Variants in TSPAN18 observed in about 807,000 individuals in gnomAD.
TSPAN18 encodes tetraspanin-18.
TSPAN18 carries 14 observed loss-of-function variants against 27.3 expected under a neutral mutation model. The ratio of observed to expected loss-of-function variants is 0.51; its 90% CI spans 0.34 to 0.80. TSPAN18 has a LOEUF of 0.80. Ranked by LOEUF, TSPAN18 falls within the 30% of genes least tolerant of loss-of-function variation. TSPAN18 has a pLI of 0.01. For missense variants in TSPAN18, 268 were observed against 323.9 expected, an observed-to-expected ratio of 0.83 and a Z score of 1.32; for synonymous variants, 143 against 136.5, an observed-to-expected ratio of 1.05 and a Z score of -0.33.
At chr11:44,912,721 TTGTG>T (rs1368675008) in intron 5 of TSPAN18, among the ~76,000 whole-genome samples, 1 of 152,104 alleles carries the variant, frequency 6.6e-6, no homozygotes, top group Admixed American at 6.5e-5. Context: ...TCGTGTGTGT[TTGTG>T]TGTACATGTG....
At chr11:44,873,867 C>G (rs1192784554) in intron 3 of TSPAN18, among the ~76,000 whole-genome samples, 3 of 152,182 alleles carry the variant, frequency 2.0e-5, no homozygotes, top group Admixed American at 6.5e-5. Flanking sequence ...GCTGGCATTC[C>G]TGGACCTACA....
intron 3 of TSPAN18, among the ~76,000 whole-genome samples, chr11:44,905,127 C>T (rs1210405508): frequency 6.6e-6 from 1 of 152,102 alleles, no homozygotes; most frequent in Non-Finnish European, 1.5e-5. Context: ...TGCTTTGATA[C>T]ACATTTTACT....
chr11:44,891,353 C>T (rs1858844470), intron 3 of TSPAN18, among the ~76,000 whole-genome samples: 1 of 152,110 alleles, frequency 6.6e-6, no homozygotes, highest in African/African-American at 2.4e-5. Context: ...GCTTTTGCAG[C>T]CTGACTGAAT....
chr11:44,836,860 G>T (rs1857274279), intron 2 of TSPAN18, among the ~76,000 whole-genome samples: 1 of 152,166 alleles, frequency 6.6e-6, no homozygotes, highest in Non-Finnish European at 1.5e-5. Context: ...TTACAGCATG[G>T]TTTACTGAAT....
chr11:44,806,252 C>G (rs1308156211), intron 2 of TSPAN18, among the ~76,000 whole-genome samples: 3 of 152,132 alleles, frequency 2.0e-5, no homozygotes, highest in Non-Finnish European at 4.4e-5. Context: ...CCAGGCCGCT[C>G]TCAAACTCCT....
chr11:44,808,704 AT>A (rs1270449256), intron 2 of TSPAN18, among the ~76,000 whole-genome samples: 1 of 152,162 alleles, frequency 6.6e-6, no homozygotes, highest in Non-Finnish European at 1.5e-5. Context: ...AAACGATATA[AT>A]TTAACGTTTC....
At chr11:44,782,081 C>T (rs1855951156) in intron 2 of TSPAN18, among the ~76,000 whole-genome samples, 1 of 152,126 alleles carries the variant, frequency 6.6e-6, no homozygotes, top group African/African-American at 2.4e-5. Context: ...ATTTGTGTAT[C>T]CATTCACCCT....
rs1328608664 is a variant in TSPAN18, at chr11:44,890,644, A to C, written c.-10-15763A>C. Among the ~76,000 whole-genome samples the C allele has an allele frequency of 4.0e-5, 6 of 150,930 alleles. No homozygotes were observed. The East Asian group carries it at 9.8e-4, about 25-fold the overall frequency. On this transcript the variant is annotated intron_variant, in intron 3 of 9. Coordinates refer to ENST00000520358, the MANE Select transcript of TSPAN18 (RefSeq NM_130783.5). ...AGGCTGAGGCAGGAGAATGGCGTGA[A>C]CCCAGGAGGCGGAGCTTGCCAGCCT...
Position 44,761,761 on chromosome 11 carries a change from T to C in TSPAN18, c.-239-2665T>C, listed in dbSNP as rs561140787. Among the ~76,000 whole-genome samples the C allele has an allele frequency of 3.9e-5, 6 of 152,364 alleles. No individual in the cohort carries two copies. The South Asian group carries it at 1.2e-3, about 32-fold the overall frequency. ...GGCTGACAGGCACTCTTGACACTAATACGTGTTCCGTGCAGTCCCTGGAGC... is the reference window on the plus strand; with the variant it reads ...GGCTGACAGGCACTCTTGACACTAACACGTGTTCCGTGCAGTCCCTGGAGC... On this transcript the variant is annotated intron_variant, in intron 1 of 9. Coordinates refer to ENST00000520358, the MANE Select transcript of TSPAN18 (RefSeq NM_130783.5).
intron 2 of TSPAN18, among the ~76,000 whole-genome samples, chr11:44,827,069 C>G (rs1857058638): frequency 6.6e-6 from 1 of 152,232 alleles, no homozygotes; most frequent in African/African-American, 2.4e-5. Context: ...TGTCTGGCCC[C>G]TCTGGGCTGG....
At position 44,858,362 on chromosome 11, in the gene TSPAN18, T is replaced by C. The variant is rs532088997; in HGVS notation, c.-152-1966T>C. Among the ~76,000 whole-genome samples, 8 of 150,610 alleles carry C rather than the reference T, an allele frequency of 5.3e-5. No individual in the cohort carries two copies. In the South Asian group the frequency reaches 1.7e-3, roughly 33 times the overall value. Reference sequence around the variant, plus strand: ...TGCTCACGGGTGTTATCAGGGGAATTAGAGGAGGAGAAGCTCCTCTCCCTT... The same window carrying C: ...TGCTCACGGGTGTTATCAGGGGAATCAGAGGAGGAGAAGCTCCTCTCCCTT... On this transcript the variant is annotated intron_variant, in intron 2 of 9. Transcript: ENST00000520358.
chr11:44,738,799 G>A (rs978620772), intron 1 of TSPAN18, among the ~76,000 whole-genome samples: 1 of 152,212 alleles, frequency 6.6e-6, no homozygotes, highest in Non-Finnish European at 1.5e-5. Flanking sequence ...TGTGCAGGAA[G>A]CACAATTTAG....
intron 1 of TSPAN18, among the ~76,000 whole-genome samples, chr11:44,762,061 G>C (rs1409000746): frequency 6.6e-6 from 1 of 152,210 alleles, no homozygotes; most frequent in African/African-American, 2.4e-5. Context: ...AGCATTTTGG[G>C]AAGGCAGTTT....
chr11:44,852,067 T>A (rs1338709426), intron 2 of TSPAN18, among the ~76,000 whole-genome samples: 1 of 152,208 alleles, frequency 6.6e-6, no homozygotes, highest in Non-Finnish European at 1.5e-5. Flanking sequence ...GCTGAATGAA[T>A]GAATGATGAA....
At chr11:44,814,349 A>T (rs1477062493) in intron 2 of TSPAN18, among the ~76,000 whole-genome samples, 4 of 152,078 alleles carry the variant, frequency 2.6e-5, no homozygotes, top group Non-Finnish European at 5.9e-5. Flanking sequence ...TACAATGAAG[A>T]CACGTGGCTC....
intron 3 of TSPAN18, among the ~76,000 whole-genome samples, chr11:44,886,833 A>T (rs953275081): frequency 2.0e-5 from 3 of 152,212 alleles, no homozygotes; most frequent in Admixed American, 2.0e-4. Flanking sequence ...CAGGAAAGTG[A>T]TCAGTGGCCA....
intron 2 of TSPAN18, among the ~76,000 whole-genome samples, chr11:44,778,382 G>A (rs546278814): frequency 4.3e-4 from 66 of 152,072 alleles, no homozygotes; most frequent in African/African-American, 1.2e-3. Context: ...CTTTTTCCCC[G>A]CAGACATCAC....
rs1023650779 is a variant in TSPAN18 at position 44,792,312 on chromosome 11, C to T, written c.-153+27800C>T. Among the ~76,000 whole-genome samples the T allele has an allele frequency of 2.4e-4, 37 of 152,272 alleles. No homozygotes were observed. In the South Asian group the frequency reaches 2.9e-3, roughly 12 times the overall value. The stretch of plus-strand genomic sequence containing the variant: ...GTGAGGGAACAGCTTGGAGCATCTG[C>T]GGGGACAGTCGCAGGCAGAGGGGAC... On this transcript the variant is annotated intron_variant, in intron 2 of 9. Coordinates refer to ENST00000520358, the MANE Select transcript of TSPAN18 (RefSeq NM_130783.5).
chr11:44,866,545 G>A (rs893747235), intron 3 of TSPAN18, among the ~76,000 whole-genome samples: 4 of 152,170 alleles, frequency 2.6e-5, no homozygotes, highest in South Asian at 2.1e-4. Flanking sequence ...TTGCAACTCC[G>A]AGCTATGAGC....
Sources: gnomAD v4.1 joint callset for allele counts (sites outside exome capture counted in the v4.1 genomes callset) on GRCh38, gnomAD v4.1.1 for gene constraint, MANE v1.5 for transcripts, NCBI Gene and HGNC (gene_info 2026-07-23, HGNC 2026-07-21) for gene names.